The following FAM120A variants were observed in gnomAD, a reference collection of about 807,000 sequenced individuals.
FAM120A encodes the protein constitutive coactivator of PPAR-gamma-like protein 1.
A neutral mutation model predicts 109.7 loss-of-function variants in FAM120A; 15 were observed. The ratio of observed to expected loss-of-function variants is 0.14; its 90% CI spans 0.09 to 0.21. FAM120A has a LOEUF of 0.21. FAM120A is among the 10% of genes least tolerant of loss of function. The pLI, the probability that FAM120A is intolerant of heterozygous loss-of-function variation, is 1.00. For synonymous variants in FAM120A, 493 were observed against 572.8 expected (o/e 0.86, Z 1.99); for missense variants, 899 against 1,439.3 (o/e 0.62, Z 6.07).
chr9:93,521,078 A>G (rs1280925432), intron 7 of FAM120A, among the ~76,000 whole-genome samples: 1 of 152,318 alleles, frequency 6.6e-6, no homozygotes, highest in East Asian at 1.9e-4. Context: ...AGTTTTGGAA[A>G]ATCTGTTAGA....
At chr9:93,539,956 A>T (rs1861639385) in intron 10 of FAM120A, among the ~76,000 whole-genome samples, 1 of 152,244 alleles carries the variant, frequency 6.6e-6, no homozygotes, top group Non-Finnish European at 1.5e-5. Context: ...GGAATTCTTC[A>T]TAAGCACTAA....
intron 5 of FAM120A, among the ~76,000 whole-genome samples, chr9:93,509,230 GCTGGACCCAC>G (rs1384622362): frequency 1.3e-5 from 2 of 152,376 alleles, no homozygotes; most frequent in African/African-American, 4.8e-5. Context: ...CAGCTGGATG[GCTGGACCCAC>G]CTGGACCCAC....
rs1862449656 is a variant in FAM120A at position 93,561,116 on chromosome 9, A to G, written c.2814A>G (p.Gln938=). 1.9e-6 allele frequency: 3 copies of G among 1,613,682 alleles called. No homozygotes were observed. The highest frequency in any genetic ancestry group is 2.5e-6 in the Non-Finnish European group (3 of 1,180,008). ...SRTSKSQGGV[Q]PIPSQGGKLE... is the part of the protein sequence containing the mutation. ...TGTATATTTTTTATGCAGGAGTCCA[A>G]CCTATACCTTCTCAGGGAGGCAAAC... The change falls in exon 16 of 18, where the codon CAA becomes CAG. Residue 938 remains glutamine (Q), a synonymous_variant. Transcript: ENST00000277165.
rs553245348 is a variant in FAM120A, at chr9:93,518,992, T to G, written c.1418+2723T>G. 3.3e-5 allele frequency among the ~76,000 whole-genome samples: 5 copies of G among 152,246 alleles called. No individual in the cohort carries two copies. In the East Asian group the frequency reaches 9.6e-4, roughly 29 times the overall value. The stretch of plus-strand genomic sequence containing the variant: ...TTTTATATGGGGCCCAAGACAATTC[T>G]TCTTCTTCCAGTGTGGCCCAGGGAT... On this transcript the variant is annotated intron_variant, in intron 7 of 17. Transcript: ENST00000277165.
At chr9:93,501,694 G>T (rs1859810151) in intron 5 of FAM120A, among the ~76,000 whole-genome samples, 1 of 152,204 alleles carries the variant, frequency 6.6e-6, no homozygotes, top group South Asian at 2.1e-4. Context: ...AGAATTTTAA[G>T]ATGACGGGTA....
rs908614308 is a variant in FAM120A, at chr9:93,500,016, A to C, written c.1030+1130A>C. On this transcript the variant is annotated intron_variant, in intron 5 of 17. Transcript: ENST00000277165. The surrounding 1 kb of genome is among the most constrained non-coding windows in gnomAD (Gnocchi z 4.6). Reference sequence around the variant, plus strand: ...AACATGGCCTGTGCCGATGCCCTGTAATAAAGGAGGTAGGGCTTGTAACCT... The same window carrying C: ...AACATGGCCTGTGCCGATGCCCTGTCATAAAGGAGGTAGGGCTTGTAACCT... 6.6e-6 allele frequency among the ~76,000 whole-genome samples: 1 copy of C among 152,224 alleles called. No individual in the cohort carries two copies. Among genetic ancestry groups the C allele is most frequent in the African/African-American group, 2.4e-5 (1 of 41,458 alleles).
chr9:93,536,335 C>T (rs751488120), intron 10 of FAM120A, among the ~76,000 whole-genome samples: 9 of 152,224 alleles, frequency 5.9e-5, no homozygotes, highest in Non-Finnish European at 1.2e-4. Flanking sequence ...ATCTGGCAAC[C>T]CAGCCCTCTG....
chr9:93,489,412 G>A (rs969165391), intron 3 of FAM120A, among the ~76,000 whole-genome samples: 3 of 152,192 alleles, frequency 2.0e-5, no homozygotes, highest in African/African-American at 4.8e-5. Flanking sequence ...GTACACTACA[G>A]TTTCCTCCTT....
At chr9:93,509,320 G>T (rs1415870949) in intron 5 of FAM120A, among the ~76,000 whole-genome samples, 6 of 152,196 alleles carry the variant, frequency 3.9e-5, no homozygotes, top group Admixed American at 2.0e-4. Context: ...CAGAGGAGTG[G>T]GCTCAGCAGG....
At chr9:93,506,233 A>G (rs947220764) in intron 5 of FAM120A, among the ~76,000 whole-genome samples, 1 of 152,240 alleles carries the variant, frequency 6.6e-6, no homozygotes, top group African/African-American at 2.4e-5. Context: ...CCAACTCTGT[A>G]GATCAATTTG....
chr9:93,549,614 A>G (rs1176207153), intron 11 of FAM120A, among the ~76,000 whole-genome samples: 1 of 152,228 alleles, frequency 6.6e-6, no homozygotes, highest in East Asian at 1.9e-4. Flanking sequence ...GCACTGAGCA[A>G]ACTTACTCTG....
intron 7 of FAM120A, among the ~76,000 whole-genome samples, chr9:93,524,253 T>C (rs919771996): frequency 8.5e-5 from 13 of 152,260 alleles, no homozygotes; most frequent in African/African-American, 2.9e-4. Context: ...GAAGTCAGTT[T>C]TTACTTAACG....
chr9:93,484,041 T>C (rs1858931519), intron 3 of FAM120A, among the ~76,000 whole-genome samples: 1 of 151,422 alleles, frequency 6.6e-6, no homozygotes. Context: ...TGTCTCTCTT[T>C]TTTTTTTTTT....
At chr9:93,496,651 A>G (rs1859587942) in intron 3 of FAM120A, among the ~76,000 whole-genome samples, 1 of 152,126 alleles carries the variant, frequency 6.6e-6, no homozygotes, top group Admixed American at 6.5e-5. Context: ...GTAATCCAGG[A>G]CAGGATTCTT....
intron 11 of FAM120A, among the ~76,000 whole-genome samples, chr9:93,548,444 G>A (rs1303556727): frequency 6.6e-6 from 1 of 152,120 alleles, no homozygotes; most frequent in Non-Finnish European, 1.5e-5. Flanking sequence ...GGGAGTTGTT[G>A]TGTAAGGGGA....
At chr9:93,482,231 A>G (rs956427952) in intron 3 of FAM120A, among the ~76,000 whole-genome samples, 2 of 126,494 alleles carry the variant, frequency 1.6e-5, no homozygotes, top group Non-Finnish European at 3.2e-5. Context: ...TCCCTTGCCC[A>G]GGTTGGAGTG....
At chr9:93,504,354 A>G (rs1343996313) in intron 5 of FAM120A, among the ~76,000 whole-genome samples, 2 of 152,180 alleles carry the variant, frequency 1.3e-5, no homozygotes, top group African/African-American at 4.8e-5. Context: ...CTGTAAAAAA[A>G]ATGATTTTGT....
At chr9:93,524,408 A>T (rs2131444459) in intron 7 of FAM120A, among the ~76,000 whole-genome samples, 1 of 151,906 alleles carries the variant, frequency 6.6e-6, no homozygotes. Flanking sequence ...TGAAAGATGT[A>T]AAAAAAAATC....
chr9:93,487,722 T>C (rs1455620111), intron 3 of FAM120A, among the ~76,000 whole-genome samples: 1 of 152,172 alleles, frequency 6.6e-6, no homozygotes, highest in Non-Finnish European at 1.5e-5. Context: ...GTGATGGGAA[T>C]GTGATATTTT....
Sources: gnomAD v4.1 joint callset for allele counts (sites outside exome capture counted in the v4.1 genomes callset) on GRCh38, gnomAD v4.1.1 for gene constraint, Gnocchi (gnomAD v3.1) non-coding constraint, MANE v1.5 for transcripts, NCBI Gene and HGNC (gene_info 2026-07-23, HGNC 2026-07-21) for gene names.